The following MLLT3 variants were observed in gnomAD, a reference collection of about 807,000 sequenced individuals.
MLLT3 encodes MLLT3 super elongation complex subunit, also known as protein AF-9.
MLLT3 carries 4 observed loss-of-function variants against 53.2 expected under a neutral mutation model. The ratio of observed to expected loss-of-function variants is 0.08; its 90% CI spans 0.04 to 0.17. The LOEUF is 0.17. Among genes scored for constraint, MLLT3 ranks in the 10% least tolerant of loss-of-function variants. The pLI, the probability that MLLT3 is intolerant of heterozygous loss-of-function variation, is 1.00. For missense variants in MLLT3, 569 were observed against 684.0 expected (o/e 0.83, Z 1.87); for synonymous variants, 283 against 230.6 (o/e 1.23, Z -2.06).
chr9:20,532,042 T>C (rs1401442785), intron 2 of MLLT3, among the ~76,000 whole-genome samples: 1 of 152,060 alleles, frequency 6.6e-6, no homozygotes, highest in Non-Finnish European at 1.5e-5. Context: ...ATGACCAAAT[T>C]AAAACGATTG....
chr9:20,507,078 C>T (rs115039084), intron 2 of MLLT3, among the ~76,000 whole-genome samples: 3,545 of 152,240 alleles, frequency 0.023, 132 homozygotes, highest in African/African-American at 0.08. Context: ...TAGGCCCTGG[C>T]TTAATGCGAA....
Position 20,414,122 on chromosome 9 carries a change from G to C in MLLT3, c.724C>G (p.Leu242Val), listed in dbSNP as rs1822802284. 6 of 1,613,730 alleles carry C rather than the reference G, an allele frequency of 3.7e-6. No homozygotes were observed. The highest frequency in any genetic ancestry group is 5.1e-6 in the Non-Finnish European group (6 of 1,179,936). The change falls in exon 5 of 11, where the codon CTG (leucine) becomes GTG (valine). Residue 242 changes from leucine (L) to valine (V), a missense_variant. Coordinates refer to ENST00000380338, the MANE Select transcript of MLLT3 (RefSeq NM_004529.4). ...TTAGGAACTATTTTCTCTTCTTTCA[G>C]TGGTTTATTTTCTTTGGGTTTCTTA... ...SSKKPKENKP[L>V]KEEKIVPKMA...
intron 2 of MLLT3, among the ~76,000 whole-genome samples, chr9:20,565,191 C>T (rs145165205): frequency 6.6e-6 from 1 of 151,884 alleles, no homozygotes; most frequent in African/African-American, 2.4e-5. Context: ...AAAAGGATGC[C>T]CCACTGAGTA....
intron 3 of MLLT3, among the ~76,000 whole-genome samples, chr9:20,454,431 C>A (rs1198057642): frequency 6.6e-6 from 1 of 152,114 alleles, no homozygotes; most frequent in African/African-American, 2.4e-5. Flanking sequence ...CGAGCTTGTA[C>A]AAATGACCAG....
At chr9:20,484,745 A>G (rs1184097025) in intron 2 of MLLT3, among the ~76,000 whole-genome samples, 1 of 152,206 alleles carries the variant, frequency 6.6e-6, no homozygotes, top group Non-Finnish European at 1.5e-5. Context: ...CCCCCAAGAC[A>G]GTACCAGTGC....
intron 2 of MLLT3, among the ~76,000 whole-genome samples, chr9:20,461,869 G>C (rs1363067976): frequency 1.3e-5 from 2 of 152,148 alleles, no homozygotes; most frequent in African/African-American, 4.8e-5. Flanking sequence ...TGTGCAGAGA[G>C]CCCTTCAGGA....
intron 2 of MLLT3, among the ~76,000 whole-genome samples, chr9:20,614,340 G>A (rs1278737356): frequency 6.8e-6 from 1 of 146,308 alleles, no homozygotes; most frequent in Non-Finnish European, 1.5e-5. Flanking sequence ...GTTGCAGTGA[G>A]CCAAGATCAT....
chr9:20,494,041 T>G (rs1485845566), intron 2 of MLLT3, among the ~76,000 whole-genome samples: 1 of 152,100 alleles, frequency 6.6e-6, no homozygotes, highest in Non-Finnish European at 1.5e-5. Context: ...AACAATAGAC[T>G]TGTCTTCAGG....
chr9:20,370,268 A>T (rs748776736), intron 5 of MLLT3, among the ~76,000 whole-genome samples: 15 of 152,130 alleles, frequency 9.9e-5, no homozygotes, highest in Non-Finnish European at 1.8e-4. Context: ...TGTTATGGTG[A>T]TCTGAGATCA....
rs1821048971 is a variant in MLLT3, at chr9:20,622,445, C to T, written c.-189G>A. On this transcript the variant is annotated 5_prime_UTR_variant, in exon 1 of 11. Coordinates refer to ENST00000380338, the MANE Select transcript of MLLT3 (RefSeq NM_004529.4). ...TCGCTCGCTCGCTTATTAAACTCAG[C>T]CCCAAAAGCAAAAGCAGCAGCAGCA... 1.1e-5 allele frequency: 6 copies of T among 551,004 alleles called. No homozygotes were observed. The East Asian group carries it at 1.3e-4, about 12-fold the overall frequency. The allele number at this position is 551,004 out of a possible 1,614,324, so 34.1% of individuals were successfully genotyped here. A position where few individuals can be genotyped will look rare whatever the true frequency, so the allele number is the denominator to read the frequency against.
chr9:20,609,161 G>A (rs891728508), intron 2 of MLLT3, among the ~76,000 whole-genome samples: 6 of 151,820 alleles, frequency 4.0e-5, no homozygotes, highest in East Asian at 1.9e-4. Context: ...ATAAATTATC[G>A]GCTCTAGTCA....
intron 2 of MLLT3, among the ~76,000 whole-genome samples, chr9:20,459,461 A>T (rs1328471668): frequency 6.6e-6 from 1 of 152,206 alleles, no homozygotes; most frequent in Non-Finnish European, 1.5e-5. Context: ...CAAGAAGGCT[A>T]GTGTTACGCT....
intron 2 of MLLT3, among the ~76,000 whole-genome samples, chr9:20,572,662 C>T (rs1186239722): frequency 1.3e-5 from 2 of 152,116 alleles, no homozygotes; most frequent in Admixed American, 1.3e-4. Context: ...GATGTGATGG[C>T]AGGCGCCTGT....
intron 2 of MLLT3, among the ~76,000 whole-genome samples, chr9:20,577,866 C>T (rs1008224025): frequency 6.6e-6 from 1 of 152,208 alleles, no homozygotes; most frequent in African/African-American, 2.4e-5. Flanking sequence ...TTCCTGATTA[C>T]AGCAGACATA....
At chr9:20,401,544 T>C (rs1822457257) in intron 5 of MLLT3, among the ~76,000 whole-genome samples, 1 of 152,176 alleles carries the variant, frequency 6.6e-6, no homozygotes, top group African/African-American at 2.4e-5. Flanking sequence ...TGTCTTTGTG[T>C]TCCTCCATAC....
intron 2 of MLLT3, among the ~76,000 whole-genome samples, chr9:20,519,958 C>T (rs1818018352): frequency 6.6e-6 from 1 of 152,164 alleles, no homozygotes; most frequent in South Asian, 2.1e-4. Context: ...AAATGCCCAT[C>T]TATGGTAGAC....
At chr9:20,376,778 T>A (rs1217156279) in intron 5 of MLLT3, among the ~76,000 whole-genome samples, 1 of 152,210 alleles carries the variant, frequency 6.6e-6, no homozygotes, top group African/African-American at 2.4e-5. Context: ...CTGCTACGAT[T>A]GTAGCCAGAA....
At chr9:20,436,468 G>C (rs1426421094) in intron 4 of MLLT3, among the ~76,000 whole-genome samples, 1 of 152,142 alleles carries the variant, frequency 6.6e-6, no homozygotes, top group Admixed American at 6.5e-5. Context: ...CCAGTGAACT[G>C]CTTCACTGGC....
intron 2 of MLLT3, among the ~76,000 whole-genome samples, chr9:20,487,987 G>T (rs1307007479): frequency 6.6e-6 from 1 of 151,878 alleles, no homozygotes; most frequent in Non-Finnish European, 1.5e-5. Flanking sequence ...TTCAAATCCT[G>T]CACATTAAAA....
Sources: gnomAD v4.1 joint callset for allele counts (sites outside exome capture counted in the v4.1 genomes callset) on GRCh38, gnomAD v4.1.1 for gene constraint, MANE v1.5 for transcripts, NCBI Gene and HGNC (gene_info 2026-07-23, HGNC 2026-07-21) for gene names.